The following BMPR2 variants were observed in gnomAD, a reference collection of about 807,000 sequenced individuals.
The protein encoded by BMPR2 is bone morphogenetic protein receptor type-2.
Under a neutral mutation model 100.8 loss-of-function variants are expected in BMPR2, and 29 were observed. The ratio of observed to expected loss-of-function variants is 0.29; its 90% CI spans 0.21 to 0.39. The LOEUF is 0.39. BMPR2 is among the 10% of genes least tolerant of loss of function. BMPR2 has a pLI of 1.00. For synonymous variants in BMPR2, 382 were observed against 442.3 expected (o/e 0.86, Z 1.71); for missense variants, 1,011 against 1,274.5 (o/e 0.79, Z 3.15).
rs190012719 is a variant in BMPR2 at position 202,429,905 on chromosome 2, G to C, written c.77-34904G>C. 2.6e-3 allele frequency among the ~76,000 whole-genome samples: 391 copies of C among 152,276 alleles called. 1 individual carries two copies. Among genetic ancestry groups the C allele is most frequent in the African/African-American group, 9.0e-3 (376 of 41,552 alleles). On this transcript the variant is annotated intron_variant, in intron 1 of 12. Coordinates refer to ENST00000374580, the MANE Select transcript of BMPR2 (RefSeq NM_001204.7). The stretch of plus-strand genomic sequence containing the variant: ...TCCAGTCACCTCCCTCCCTTGACAC[G>C]TGGGGATTATGGGGATTACGATTTG...
intron 7 of BMPR2, among the ~76,000 whole-genome samples, chr2:202,524,809 G>A (rs1257323221): frequency 1.3e-5 from 2 of 152,172 alleles, no homozygotes; most frequent in African/African-American, 4.8e-5. Context: ...AAGGCAGGTG[G>A]ATCACCTGAG....
chr2:202,479,431 A>C (rs1692616509), intron 3 of BMPR2, among the ~76,000 whole-genome samples: 3 of 151,332 alleles, frequency 2.0e-5, no homozygotes, highest in Admixed American at 2.0e-4. Flanking sequence ...GTAGATTCCC[A>C]TAGAAACTGT....
intron 3 of BMPR2, among the ~76,000 whole-genome samples, chr2:202,498,106 T>C (rs1693081804): frequency 6.6e-6 from 1 of 152,198 alleles, no homozygotes; most frequent in Non-Finnish European, 1.5e-5. Context: ...CTCCACTTCA[T>C]TTTTGGGGCA....
chr2:202,405,356 C>T lies in BMPR2; in HGVS notation c.76+27806C>T, dbSNP rs1181610998. Among the ~76,000 whole-genome samples, 4 of 151,948 alleles carry T rather than the reference C, an allele frequency of 2.6e-5. No individual in the cohort carries two copies. In the South Asian group the frequency reaches 6.2e-4, roughly 24 times the overall value. On this transcript the variant is annotated intron_variant, in intron 1 of 12. Transcript: ENST00000374580. ...TAGGGTGACTATATAATTTGCAAGT[C>T]CCAGGGCAAAATAAAAATGGGGGCT... is the stretch of plus-strand genomic sequence containing the variant.
intron 1 of BMPR2, among the ~76,000 whole-genome samples, chr2:202,408,352 G>A (rs1690945577): frequency 6.6e-6 from 1 of 152,146 alleles, no homozygotes; most frequent in Non-Finnish European, 1.5e-5. Flanking sequence ...TTGCTTCTTA[G>A]CTCTATCAAA....
At chr2:202,443,733 GTTTTAT>G (rs1210910602) in intron 1 of BMPR2, among the ~76,000 whole-genome samples, 2 of 150,172 alleles carry the variant, frequency 1.3e-5, no homozygotes, top group African/African-American at 2.5e-5. Flanking sequence ...CCAGCTAATT[GTTTTAT>G]TTTTATTTTT....
At position 202,550,947 on chromosome 2, in the gene BMPR2, C is replaced by CTT. The variant is rs34364158; in HGVS notation, c.1414-1743_1414-1742dup. Among the ~76,000 whole-genome samples, 42 of 68,314 alleles carry CTT rather than the reference C, an allele frequency of 6.1e-4. 3 individuals carry two copies. Among genetic ancestry groups the CTT allele is most frequent in the African/African-American group, 1.2e-3 (18 of 15,140 alleles). The allele number at this position is 68,314 out of a possible 152,430, so 44.8% of individuals were successfully genotyped here. A position where few individuals can be genotyped will look rare whatever the true frequency, so the allele number is the denominator to read the frequency against. Reference sequence around the variant, plus strand: ...TAACATTTCTTGTAGAGCATATCAGCTTTTTTTTTTTTTTTTTTTTTTTTT... The same window carrying CTT: ...TAACATTTCTTGTAGAGCATATCAGCTTTTTTTTTTTTTTTTTTTTTTTTTTT... On this transcript the variant is annotated intron_variant, in intron 10 of 12. Coordinates refer to ENST00000374580, the MANE Select transcript of BMPR2 (RefSeq NM_001204.7).
chr2:202,502,408 A>G (rs1399607511), intron 3 of BMPR2, among the ~76,000 whole-genome samples: 1 of 152,204 alleles, frequency 6.6e-6, no homozygotes. Flanking sequence ...GAAGTCAGAA[A>G]GAGGAACAGA....
chr2:202,440,186 G>A (rs1574450111), intron 1 of BMPR2, among the ~76,000 whole-genome samples: 1 of 150,578 alleles, frequency 6.6e-6, no homozygotes, highest in African/African-American at 2.5e-5. Context: ...TTTCCTATTC[G>A]ACAAAACCGC....
chr2:202,382,244 G>A (rs1690317194), intron 1 of BMPR2, among the ~76,000 whole-genome samples: 1 of 151,996 alleles, frequency 6.6e-6, no homozygotes, highest in South Asian at 2.1e-4. Context: ...ATTTTTAGTA[G>A]AGATGGGGTT....
chr2:202,456,517 C>CT (rs1247413090), intron 1 of BMPR2, among the ~76,000 whole-genome samples: 24 of 131,276 alleles, frequency 1.8e-4, no homozygotes, highest in African/African-American at 5.4e-4. Context: ...TTCTTTCTTT[C>CT]TTTTTTTTTT....
At chr2:202,437,583 C>T (rs981931694) in intron 1 of BMPR2, among the ~76,000 whole-genome samples, 1 of 150,536 alleles carries the variant, frequency 6.6e-6, no homozygotes, top group African/African-American at 2.5e-5. Flanking sequence ...TCTTACACCA[C>T]TAAGAAGTCC....
chr2:202,534,693 T>C lies in BMPR2; in HGVS notation c.1276+1961T>C, dbSNP rs1688095917. On this transcript the variant is annotated intron_variant, in intron 9 of 12. Coordinates refer to ENST00000374580, the MANE Select transcript of BMPR2 (RefSeq NM_001204.7). ...ACAGACACGGCAACCATCTGATTTC[T>C]CAATCTTTTCCCCACCTTTCCCGCC... Among the ~76,000 whole-genome samples the C allele has an allele frequency of 2.0e-5, 3 of 152,218 alleles. No homozygotes were observed. In the South Asian group the frequency reaches 6.2e-4, roughly 31 times the overall value.
Position 202,503,631 on chromosome 2 carries a change from C to G in BMPR2, c.419-10088C>G, listed in dbSNP as rs1340214774. Reference sequence around the variant, plus strand: ...ACAGGGCAGGGCTCGGGACCTGCAGCCCGCCATGCCTGAGCCTCCCACCCC... The same window carrying G: ...ACAGGGCAGGGCTCGGGACCTGCAGGCCGCCATGCCTGAGCCTCCCACCCC... On this transcript the variant is annotated intron_variant, in intron 3 of 12. Coordinates refer to ENST00000374580, the MANE Select transcript of BMPR2 (RefSeq NM_001204.7). The surrounding 1 kb of genome is among the most constrained non-coding windows in gnomAD (Gnocchi z 4.0). 6.6e-6 allele frequency among the ~76,000 whole-genome samples: 1 copy of G among 152,222 alleles called. No individual in the cohort carries two copies. The highest frequency in any genetic ancestry group is 1.9e-4 in the East Asian group (1 of 5,186).
At chr2:202,390,533 T>C (rs1251827472) in intron 1 of BMPR2, among the ~76,000 whole-genome samples, 3 of 152,094 alleles carry the variant, frequency 2.0e-5, no homozygotes, top group African/African-American at 7.2e-5. Context: ...GGTTTCACCA[T>C]GTTGGCTGGG....
chr2:202,523,727 G>A (rs1005330646), intron 7 of BMPR2, among the ~76,000 whole-genome samples: 1 of 151,742 alleles, frequency 6.6e-6, no homozygotes, highest in Non-Finnish European at 1.5e-5. Context: ...TCTCTTGAAC[G>A]TGGGAGGCAG....
At chr2:202,455,237 A>G (rs192037039) in intron 1 of BMPR2, among the ~76,000 whole-genome samples, 133 of 152,314 alleles carry the variant, frequency 8.7e-4, no homozygotes, top group Middle Eastern at 3.4e-3. Context: ...CACTAACCGT[A>G]TTTCAAGTGC....
intron 1 of BMPR2, among the ~76,000 whole-genome samples, chr2:202,439,900 T>C (rs1691697558): frequency 6.7e-6 from 1 of 150,268 alleles, no homozygotes; most frequent in Non-Finnish European, 1.5e-5. Context: ...CCTGCGGCCT[T>C]CCGCAGTGTT....
chr2:202,490,341 GTTGTACTA>G, intron 3 of BMPR2, among the ~76,000 whole-genome samples: 1 of 151,936 alleles, frequency 6.6e-6, no homozygotes, highest in South Asian at 2.1e-4. Context: ...CACACACGAG[GTTGTACTA>G]AATATATAGC....
Sources: allele counts gnomAD v4.1 joint callset (sites outside exome capture counted in the v4.1 genomes callset), GRCh38; gene constraint gnomAD v4.1.1; non-coding constraint Gnocchi (gnomAD v3.1); transcripts MANE v1.5; gene names NCBI Gene and HGNC (gene_info 2026-07-23, HGNC 2026-07-21).